Variants in ZFAT observed in about 807,000 individuals in gnomAD.
ZFAT encodes zinc finger protein ZFAT.
ZFAT carries 64 observed loss-of-function variants against 117.7 expected under a neutral mutation model. The observed-to-expected ratio is 0.54, with a 90% confidence interval of 0.44 to 0.67. The LOEUF (loss-of-function observed/expected upper bound fraction) is 0.67. Ranked by LOEUF, ZFAT falls within the 30% of genes least tolerant of loss-of-function variation. The pLI is 0.00. For synonymous variants in ZFAT, 679 were observed against 615.0 expected (o/e 1.10, Z -1.54); for missense variants, 1,433 against 1,584.5 (o/e 0.90, Z 1.62).
intron 2 of ZFAT, among the ~76,000 whole-genome samples, chr8:134,654,058 A>T (rs1450112257): frequency 1.3e-5 from 2 of 152,146 alleles, no homozygotes; most frequent in African/African-American, 4.8e-5. Flanking sequence ...GTACTTTGGG[A>T]GGCTGAGGCA....
chr8:134,671,166 CCAGAGG>C (rs1832543748), intron 1 of ZFAT, among the ~76,000 whole-genome samples: 1 of 152,156 alleles, frequency 6.6e-6, no homozygotes, highest in Non-Finnish European at 1.5e-5. Context: ...CCAGATTCTA[CCAGAGG>C]TACAAGGAGG....
chr8:134,791,604 TTA>T, the ZFAT span, among the ~76,000 whole-genome samples: 5 of 152,202 alleles, frequency 3.3e-5, no homozygotes, highest in African/African-American at 1.2e-4. Context: ...GTAGGATAAT[TTA>T]TGTTAGTCAG....
At position 134,712,914 on chromosome 8, in the gene ZFAT, C is replaced by T. The variant is rs551121659; in HGVS notation, c.-51G>A. ...AAAAGCCTCGGGCTCTTCCGGGCCC[C>T]CTCCCGTGCCGACCGAGGGGGCGGG... On this transcript the variant is annotated 5_prime_UTR_variant, in exon 1 of 16. Transcript: ENST00000377838. 4.9e-5 allele frequency: 72 copies of T among 1,471,050 alleles called. 1 individual carries two copies. The South Asian group carries it at 9.0e-4, about 18-fold the overall frequency. The allele number at this position is 1,471,050 out of a possible 1,614,324, so 91.1% of individuals were successfully genotyped here.
At chr8:134,597,605 T>G (rs1827061393) in intron 7 of ZFAT, 1 of 152,136 alleles carries the variant, frequency 6.6e-6, no homozygotes, top group East Asian at 1.9e-4. Flanking sequence ...ATTTTGCCAT[T>G]ACTGTTTATT....
chr8:134,588,584 A>T (rs1826229807), intron 8 of ZFAT, among the ~76,000 whole-genome samples, 189 bp from the exon 9 acceptor site: 2 of 152,238 alleles, frequency 1.3e-5, no homozygotes, highest in Admixed American at 6.5e-5. Flanking sequence ...ATCTGTTAAC[A>T]TCATGTATGA....
intron 5 of ZFAT, among the ~76,000 whole-genome samples, chr8:134,608,447 G>A (rs543942906): frequency 6.6e-5 from 10 of 152,092 alleles, no homozygotes; most frequent in Non-Finnish European, 1.3e-4. Flanking sequence ...TTTTATTAAG[G>A]TAAAAAATAG....
At chr8:134,796,442 G>C in the ZFAT span, 1 of 152,220 alleles carries the variant, frequency 6.6e-6, no homozygotes, top group African/African-American at 2.4e-5. Flanking sequence ...GCTGGTTGTT[G>C]GTGGAGAGAA....
At position 134,608,852 on chromosome 8, in the gene ZFAT, G is replaced by C. The variant is rs1395796553; in HGVS notation, c.662C>G (p.Ala221Gly). 6.2e-7 allele frequency: 1 copy of C among 1,608,956 alleles called. No homozygotes were observed. Among genetic ancestry groups the C allele is most frequent in the Non-Finnish European group, 8.5e-7 (1 of 1,178,220 alleles). Residue 221 changes from alanine (A) to glycine (G), a missense_variant, in exon 5 of 16, where the codon GCT (alanine) becomes GGT (glycine). Around this residue, in one of 5 missense-constraint regions of ZFAT, gnomAD observed 436 missense variants for 482.0 expected, o/e 0.90. Transcript: ENST00000377838. ...TGTAGCTCCTGTTTCAGGGGGCCCAGCCTCCACTGGCACAATCTTGGTAGC... is the reference window on the plus strand; with the variant it reads ...TGTAGCTCCTGTTTCAGGGGGCCCACCCTCCACTGGCACAATCTTGGTAGC... ...PGATKIVPVE[A>G]GPPETGATNS...
At chr8:134,584,812 G>T (rs1825954760) in intron 9 of ZFAT, among the ~76,000 whole-genome samples, 1 of 152,126 alleles carries the variant, frequency 6.6e-6, no homozygotes, top group South Asian at 2.1e-4. Context: ...AGAGGGCGGG[G>T]AACAAACCTG....
chr8:134,651,170 C>T (rs1395151476), intron 2 of ZFAT, among the ~76,000 whole-genome samples: 1 of 93,948 alleles, frequency 1.1e-5, no homozygotes, highest in African/African-American at 4.7e-5. Context: ...CCCAGCAATC[C>T]CACTCCTTGG....
the ZFAT span, among the ~76,000 whole-genome samples, chr8:134,770,792 G>A: frequency 3.3e-5 from 5 of 152,150 alleles, no homozygotes; most frequent in South Asian, 2.1e-4. Context: ...GTGCACCTGC[G>A]GGTAGGTCTC....
At chr8:134,544,491 TAAAG>T (rs201646059) in intron 11 of ZFAT, among the ~76,000 whole-genome samples, 4,683 of 151,808 alleles carry the variant, frequency 0.031, 121 homozygotes, top group East Asian at 0.052. Context: ...AGAGACATCA[TAAAG>T]AAAGTGAAGA....
intron 1 of ZFAT, among the ~76,000 whole-genome samples, chr8:134,668,858 A>C (rs1337881080): frequency 6.6e-6 from 1 of 152,248 alleles, no homozygotes; most frequent in Non-Finnish European, 1.5e-5. Context: ...ACCTTGAAAA[A>C]AGATTAGACG....
At chr8:134,488,929 G>C (rs938056142) in intron 15 of ZFAT, among the ~76,000 whole-genome samples, 1 of 132,002 alleles carries the variant, frequency 7.6e-6, no homozygotes, top group Non-Finnish European at 1.6e-5. Flanking sequence ...GATGCAATGA[G>C]ATTCAGTATA....
intron 13 of ZFAT, among the ~76,000 whole-genome samples, chr8:134,519,342 T>A (rs1207862361): frequency 2.6e-5 from 4 of 152,202 alleles, no homozygotes; most frequent in African/African-American, 9.6e-5. Context: ...ATTTTGGGCA[T>A]TTTTTATAAG....
At chr8:134,796,903 G>A in the ZFAT span, 2 of 152,112 alleles carry the variant, frequency 1.3e-5, no homozygotes, top group Non-Finnish European at 1.5e-5. Context: ...ATGTAACATA[G>A]TCTTCTGCAC....
intron 3 of ZFAT, among the ~76,000 whole-genome samples, chr8:134,621,506 T>C (rs1829101608): frequency 1.3e-5 from 2 of 152,180 alleles, no homozygotes. Flanking sequence ...AAGGCTCTTA[T>C]AAATGTGCTC....
At chr8:134,501,549 G>C (rs1234764200) in intron 15 of ZFAT, among the ~76,000 whole-genome samples, 1 of 152,198 alleles carries the variant, frequency 6.6e-6, no homozygotes, top group Non-Finnish European at 1.5e-5. Flanking sequence ...CGGGAAAGTG[G>C]AGTAAATGAT....
At chr8:134,793,732 C>CGGCGG in the ZFAT span, 1 of 148,322 alleles carries the variant, frequency 6.7e-6, no homozygotes, top group African/African-American at 2.5e-5. Flanking sequence ...GTCAAGAGTC[C>CGGCGG]GGGGGCTGGA....
Sources: allele counts gnomAD v4.1 joint callset (sites outside exome capture counted in the v4.1 genomes callset), GRCh38; gene constraint gnomAD v4.1.1; regional missense constraint gnomAD v4.1.1; transcripts MANE v1.5; gene names NCBI Gene and HGNC (gene_info 2026-07-23, HGNC 2026-07-21).